The following IQCH variants were observed in gnomAD, a reference collection of about 807,000 sequenced individuals.
The protein encoded by IQCH is IQ domain-containing protein H.
Under a neutral mutation model 117.0 loss-of-function variants are expected in IQCH, and 98 were observed. The ratio of observed to expected loss-of-function variants is 0.84; its 90% confidence interval spans 0.71 to 0.99. IQCH has a LOEUF of 0.99. Among genes scored for constraint, IQCH ranks in the 50% least tolerant of loss-of-function variants. The pLI, the probability that IQCH is intolerant of heterozygous loss-of-function variation, is 0.00. For missense variants in IQCH, 1,102 were observed against 1,243.8 expected, an observed-to-expected ratio of 0.89 and a Z score of 1.72; for synonymous variants, 412 against 448.2, an observed-to-expected ratio of 0.92 and a Z score of 1.02.
chr15:67,295,614 A>G (rs1057383601), intron 4 of IQCH, among the ~76,000 whole-genome samples: 1 of 152,116 alleles, frequency 6.6e-6, no homozygotes, highest in Non-Finnish European at 1.5e-5. Context: ...TTCCAAATCA[A>G]CCCTGAACAA....
chr15:67,265,378 C>G (rs1385715539), intron 3 of IQCH, among the ~76,000 whole-genome samples: 3 of 152,210 alleles, frequency 2.0e-5, no homozygotes, highest in Non-Finnish European at 4.4e-5. Flanking sequence ...TGGATCATAT[C>G]TTTCCTATTC....
intron 16 of IQCH, among the ~76,000 whole-genome samples, chr15:67,452,808 C>A (rs2082563869): frequency 6.6e-6 from 1 of 152,226 alleles, no homozygotes; most frequent in African/African-American, 2.4e-5. Context: ...TGGATAATAT[C>A]CTGAAGAGTG....
At chr15:67,288,820 T>C (rs1374827217) in intron 4 of IQCH, among the ~76,000 whole-genome samples, 5 of 152,062 alleles carry the variant, frequency 3.3e-5, no homozygotes, top group African/African-American at 2.4e-5. Context: ...TTGAGGGAGA[T>C]AGACAAATAA....
intron 4 of IQCH, among the ~76,000 whole-genome samples, chr15:67,292,939 C>CT (rs1250602457): frequency 6.6e-6 from 1 of 152,190 alleles, no homozygotes; most frequent in Non-Finnish European, 1.5e-5. Flanking sequence ...CAGAGGGACT[C>CT]TGCTTAGTTC....
intron 18 of IQCH, among the ~76,000 whole-genome samples, chr15:67,482,700 T>C (rs2141067055): frequency 6.6e-6 from 1 of 152,318 alleles, no homozygotes; most frequent in East Asian, 1.9e-4. Flanking sequence ...AGAAGTAAAA[T>C]TTTAAATATC....
Position 67,385,019 on chromosome 15 carries a change from G to T in IQCH, c.1456G>T (p.Asp486Tyr). Residue 486 changes from aspartate (D) to tyrosine (Y), a missense_variant and splice_region_variant, in exon 11 of 21, where the codon GAT (aspartate) becomes TAT (tyrosine). Asp to Tyr is a radical substitution (Grantham distance 160, BLOSUM62 -3). Around this residue, in one of 2 missense-constraint regions of IQCH, gnomAD observed 650 missense variants for 794.3 expected, o/e 0.82. Coordinates refer to ENST00000335894, the MANE Select transcript of IQCH (RefSeq NM_001031715.3). The surrounding 1 kb of genome is among the most constrained non-coding windows in gnomAD (Gnocchi z 4.6). ...GCTGGGGAGGCTGTGTGACATCTTA[G>T]GTACAGTAAATAGTTTTACACAAAT... ...MQLGRLCDIL[D>Y]ANVNVIYICS... The T allele has an allele frequency of 6.3e-7, 1 of 1,580,076 alleles. No individual in the cohort carries two copies. The highest frequency in any genetic ancestry group is 1.1e-5 in the South Asian group (1 of 90,314).
At position 67,426,818 on chromosome 15, in the gene IQCH, A is replaced by T. The variant is rs1229041828; in HGVS notation, c.2505+5241A>T. The stretch of plus-strand genomic sequence containing the variant: ...GAAAGGTCCAGTCTCTACCAAAAAA[A>T]TTTTTAAAATAAACAAAATTAGCCA... On this transcript the variant is annotated intron_variant, in intron 16 of 20. Transcript: ENST00000335894. The surrounding 1 kb of genome is among the most constrained non-coding windows in gnomAD (Gnocchi z 5.1). 6.6e-6 allele frequency among the ~76,000 whole-genome samples: 1 copy of T among 151,968 alleles called. No individual in the cohort carries two copies. Among genetic ancestry groups the T allele is most frequent in the Non-Finnish European group, 1.5e-5 (1 of 68,004 alleles).
chr15:67,410,095 T>C (rs183841381), intron 14 of IQCH, among the ~76,000 whole-genome samples: 2 of 152,272 alleles, frequency 1.3e-5, no homozygotes, highest in South Asian at 2.1e-4. Context: ...AGAATGAGAG[T>C]TACCAGTGCA....
At chr15:67,329,562 C>T (rs1968568436) in intron 4 of IQCH, among the ~76,000 whole-genome samples, 2 of 152,210 alleles carry the variant, frequency 1.3e-5, no homozygotes, top group South Asian at 2.1e-4. Flanking sequence ...GCCTTAAACT[C>T]CTGGGCTCAA....
rs568468164 is a variant in IQCH at position 67,255,236 on chromosome 15, A to G, written c.51+289A>G. On this transcript the variant is annotated intron_variant, in intron 1 of 20. Coordinates refer to ENST00000335894, the MANE Select transcript of IQCH (RefSeq NM_001031715.3). ...CTTCAGAAAAATTAACCTCACGCTGAGGCATCATTTTTAAATGTTATATTC... is the reference window on the plus strand; with the variant it reads ...CTTCAGAAAAATTAACCTCACGCTGGGGCATCATTTTTAAATGTTATATTC... 696 of 499,262 alleles carry G rather than the reference A, an allele frequency of 1.4e-3. 3 individuals are homozygous for G. Among genetic ancestry groups the G allele is most frequent in the Middle Eastern group, 7.1e-3 (13 of 1,838 alleles). The allele number at this position is 499,262 out of a possible 1,614,324, so 30.9% of individuals were successfully genotyped here. A position where few individuals can be genotyped will look rare whatever the true frequency, so the allele number is the denominator to read the frequency against.
At chr15:67,486,318 G>A (rs1232649854) in intron 18 of IQCH, among the ~76,000 whole-genome samples, 1 of 151,950 alleles carries the variant, frequency 6.6e-6, no homozygotes, top group Admixed American at 6.6e-5. Context: ...GATTACAGGC[G>A]TGAGCCACCT....
In IQCH at chr15:67,344,063, G is replaced by T; in HGVS notation, c.509G>T (p.Gly170Val). 1 of 1,609,836 alleles carries T rather than the reference G, an allele frequency of 6.2e-7. No homozygotes were observed. The highest frequency in any genetic ancestry group is 1.1e-5 in the South Asian group (1 of 90,356). ...IPVLQADAHK[G>V]ILSMIERGLI... ...ACATTTTATTAATGTTTCTTTTTAGGGATTTTAAGTATGATAGAACGAGGG... is the reference window on the plus strand; with the variant it reads ...ACATTTTATTAATGTTTCTTTTTAGTGATTTTAAGTATGATAGAACGAGGG... Residue 170 changes from glycine (G) to valine (V), a missense_variant and splice_region_variant, in exon 6 of 21, where the codon GGG becomes GTG. Gly to Val is a moderately radical substitution (Grantham distance 109, BLOSUM62 -3). This residue lies in a region of IQCH where 452 missense variants were observed against 449.6 expected (regional missense o/e 1.01). Coordinates refer to ENST00000335894, the MANE Select transcript of IQCH (RefSeq NM_001031715.3).
chr15:67,382,415 T>G (rs969048082), intron 10 of IQCH, among the ~76,000 whole-genome samples: 1 of 152,238 alleles, frequency 6.6e-6, no homozygotes. Context: ...ATAGCAACCT[T>G]AATTCCATTA....
At chr15:67,488,327 AAAAC>A (rs2083549887) in intron 18 of IQCH, among the ~76,000 whole-genome samples, 1 of 152,212 alleles carries the variant, frequency 6.6e-6, no homozygotes, top group South Asian at 2.1e-4. Flanking sequence ...TCCAAAACAC[AAAAC>A]AAACAAAAAG....
chr15:67,421,726 A>T lies in IQCH; in HGVS notation c.2505+149A>T, dbSNP rs188221851. On this transcript the variant is annotated intron_variant, in intron 16 of 20. Transcript: ENST00000335894. ...TCTAAATTCAACACCTATATGGCCC[A>T]TGCGAATCCAAGTGGGACCAGGCTT... The T allele has an allele frequency of 1.0e-4, 81 of 781,436 alleles. 1 individual carries two copies. The East Asian group carries it at 2.2e-3, about 21-fold the overall frequency. The allele number at this position is 781,436 out of a possible 1,614,324, so 48.4% of individuals were successfully genotyped here.
In IQCH at chr15:67,272,466, T is replaced by C. The variant is rs1038959297; in HGVS notation, c.270-6929T>C. On this transcript the variant is annotated intron_variant, in intron 3 of 20. Coordinates refer to ENST00000335894, the MANE Select transcript of IQCH (RefSeq NM_001031715.3). ...GTCTGGTCTAGTATGTAGTTTAACCTGAAAGTTATTGCTGATTTTCTGACT... is the reference window on the plus strand; with the variant it reads ...GTCTGGTCTAGTATGTAGTTTAACCCGAAAGTTATTGCTGATTTTCTGACT... 1.1e-4 allele frequency among the ~76,000 whole-genome samples: 16 copies of C among 152,198 alleles called. 1 individual carries two copies. The highest frequency in any genetic ancestry group is 3.9e-4 in the African/African-American group (16 of 41,446).
At chr15:67,484,545 A>T (rs1185118470) in intron 18 of IQCH, among the ~76,000 whole-genome samples, 1 of 149,918 alleles carries the variant, frequency 6.7e-6, no homozygotes, top group African/African-American at 2.5e-5. Context: ...CCTGGTTAGC[A>T]TGGTGAAACC....
chr15:67,289,341 T>C (rs1231372936), intron 4 of IQCH, among the ~76,000 whole-genome samples: 2 of 152,108 alleles, frequency 1.3e-5, no homozygotes, highest in Non-Finnish European at 2.9e-5. Context: ...CAATTTGTGG[T>C]AATCCAGGTA....
intron 4 of IQCH, among the ~76,000 whole-genome samples, chr15:67,296,986 T>C (rs879077320): frequency 3.3e-5 from 5 of 152,180 alleles, no homozygotes; most frequent in Admixed American, 2.6e-4. Flanking sequence ...ATTCAACTCC[T>C]GTAGGAATGA....
Sources: gnomAD v4.1 joint callset for allele counts (sites outside exome capture counted in the v4.1 genomes callset) on GRCh38, gnomAD v4.1.1 for gene constraint, gnomAD v4.1.1 regional missense constraint, Gnocchi (gnomAD v3.1) non-coding constraint, MANE v1.5 for transcripts, NCBI Gene and HGNC (gene_info 2026-07-23, HGNC 2026-07-21) for gene names.